NRP1: variants seen among roughly 807,000 people sequenced by gnomAD.
NRP1 encodes neuropilin 1, also known as neuropilin-1.
A neutral mutation model predicts 106.7 loss-of-function variants in NRP1; 35 were observed. The observed-to-expected ratio is 0.33, with a 90% CI of 0.25 to 0.43. The LOEUF (loss-of-function observed/expected upper bound fraction) is 0.43, where lower values mean the gene tolerates loss of function less well. NRP1 is among the 20% of genes least tolerant of loss of function. The pLI is 1.00. For missense variants in NRP1, 1,024 were observed against 1,170.4 expected, an observed-to-expected ratio of 0.87 and a Z score of 1.83; for synonymous variants, 437 against 417.9, an observed-to-expected ratio of 1.05 and a Z score of -0.56.
chr10:33,258,494 G>GAC (rs1842351481), intron 4 of NRP1, among the ~76,000 whole-genome samples: 2 of 152,190 alleles, frequency 1.3e-5, no homozygotes, highest in Non-Finnish European at 2.9e-5. Context: ...TGAGGAGGAT[G>GAC]ACCCAGTGAG....
chr10:33,293,488 G>A (rs184179239), intron 2 of NRP1, among the ~76,000 whole-genome samples: 138 of 152,278 alleles, frequency 9.1e-4, no homozygotes, highest in African/African-American at 3.1e-3. Flanking sequence ...TTACAGAGGA[G>A]AATTTGGAGG....
chr10:33,186,708 G>C (rs1836033430), intron 13 of NRP1, among the ~76,000 whole-genome samples: 1 of 152,200 alleles, frequency 6.6e-6, no homozygotes, highest in Non-Finnish European at 1.5e-5. Flanking sequence ...GGAAGGCTGA[G>C]TGGCACTAAT....
chr10:33,310,712 T>G (rs1036820797), intron 2 of NRP1, among the ~76,000 whole-genome samples: 3 of 152,188 alleles, frequency 2.0e-5, no homozygotes, highest in African/African-American at 7.2e-5. Flanking sequence ...CTTTCTAATT[T>G]TACTGCCGCC....
intron 5 of NRP1, among the ~76,000 whole-genome samples, chr10:33,254,648 G>A (rs1317680358): frequency 2.6e-5 from 4 of 152,188 alleles, no homozygotes; most frequent in Non-Finnish European, 1.5e-5. Flanking sequence ...ATGGATGGTA[G>A]AACTTAACTC....
intron 2 of NRP1, among the ~76,000 whole-genome samples, chr10:33,328,597 CCTT>C (rs1848057686): frequency 6.6e-6 from 1 of 152,166 alleles, no homozygotes; most frequent in Non-Finnish European, 1.5e-5. Flanking sequence ...AACTGGCTTC[CCTT>C]CTTAAATTTC....
intron 2 of NRP1, among the ~76,000 whole-genome samples, chr10:33,300,050 C>T (rs1023756901): frequency 6.6e-6 from 1 of 152,208 alleles, no homozygotes; most frequent in Non-Finnish European, 1.5e-5. Flanking sequence ...GAACACTTTG[C>T]TTGACTTTCA....
chr10:33,188,202 A>G (rs1055918437), intron 13 of NRP1, among the ~76,000 whole-genome samples: 4 of 152,064 alleles, frequency 2.6e-5, no homozygotes, highest in African/African-American at 9.7e-5. Flanking sequence ...CTTACGGAAA[A>G]AAGACTGAAA....
At chr10:33,180,959 T>C (rs1835648341) in intron 16 of NRP1, among the ~76,000 whole-genome samples, 2 of 152,218 alleles carry the variant, frequency 1.3e-5, no homozygotes, top group African/African-American at 2.4e-5. Context: ...GCTGCTGACA[T>C]GTAAACAGAG....
intron 6 of NRP1, chr10:33,249,584 A>C (rs771462806): frequency 2.1e-6 from 1 of 485,910 alleles, no homozygotes; most frequent in Admixed American, 2.4e-5. Context: ...GAAAGGAAAA[A>C]GGTAAAATTA....
At chr10:33,229,368 G>A (rs946269909) in intron 6 of NRP1, among the ~76,000 whole-genome samples, 6 of 152,102 alleles carry the variant, frequency 3.9e-5, no homozygotes, top group African/African-American at 9.7e-5. Context: ...TCAAATGCTC[G>A]CAGATCACTT....
At chr10:33,321,089 C>T (rs1847471462) in intron 2 of NRP1, among the ~76,000 whole-genome samples, 1 of 152,150 alleles carries the variant, frequency 6.6e-6, no homozygotes, top group Admixed American at 6.5e-5. Context: ...CGGGTTCAAG[C>T]GATTCTCCTG....
At chr10:33,320,570 G>A (rs900373929) in intron 2 of NRP1, among the ~76,000 whole-genome samples, 4 of 152,170 alleles carry the variant, frequency 2.6e-5, no homozygotes, top group African/African-American at 9.6e-5. Flanking sequence ...CACTTCAGCA[G>A]TTATTGAAAT....
At chr10:33,246,130 CT>C (rs59011940) in intron 6 of NRP1, among the ~76,000 whole-genome samples, 1,864 of 141,292 alleles carry the variant, frequency 0.013, 15 homozygotes, top group Non-Finnish European at 0.016. Flanking sequence ...TAATTTCTTT[CT>C]TTTTTTTTTT....
chr10:33,248,474 G>T (rs148968281), intron 6 of NRP1, among the ~76,000 whole-genome samples: 3 of 152,280 alleles, frequency 2.0e-5, no homozygotes, highest in Admixed American at 6.5e-5. Context: ...TGTCTCAAAG[G>T]ACTAAACATG....
At chr10:33,271,778 G>A (rs1843326067) in intron 2 of NRP1, among the ~76,000 whole-genome samples, 1 of 152,138 alleles carries the variant, frequency 6.6e-6, no homozygotes. Flanking sequence ...ATACACTAGT[G>A]TCCCCTAGGA....
intron 10 of NRP1, among the ~76,000 whole-genome samples, chr10:33,204,323 A>G (rs1345522097): frequency 1.3e-5 from 2 of 152,298 alleles, no homozygotes; most frequent in East Asian, 3.9e-4. Context: ...CAACGGCCCA[A>G]AGATACACAC....
intron 6 of NRP1, among the ~76,000 whole-genome samples, chr10:33,245,408 A>C (rs1465509281): frequency 6.6e-6 from 1 of 152,182 alleles, no homozygotes; most frequent in Non-Finnish European, 1.5e-5. Context: ...CCAAAAGAAA[A>C]AGATTATGCA....
At chr10:33,280,028 C>T (rs529002263) in intron 2 of NRP1, among the ~76,000 whole-genome samples, 3 of 152,256 alleles carry the variant, frequency 2.0e-5, no homozygotes, top group Non-Finnish European at 2.9e-5. Flanking sequence ...GCCCAACACA[C>T]GTCTAGAGAC....
At chr10:33,200,420 C>A (rs551332059) in intron 11 of NRP1, among the ~76,000 whole-genome samples, 1 of 152,140 alleles carries the variant, frequency 6.6e-6, no homozygotes, top group Admixed American at 6.5e-5. Context: ...GTACAGTACA[C>A]CTGGAATTTG....
Sources: gnomAD v4.1 joint callset for allele counts (sites outside exome capture counted in the v4.1 genomes callset) on GRCh38, gnomAD v4.1.1 for gene constraint, MANE v1.5 for transcripts, NCBI Gene and HGNC (gene_info 2026-07-23, HGNC 2026-07-21) for gene names.